The following DDX24 variants were observed in gnomAD, a reference collection of about 807,000 sequenced individuals.
DDX24 encodes the protein ATP-dependent RNA helicase DDX24.
Under a neutral mutation model 68.9 loss-of-function variants are expected in DDX24, and 24 were observed. The observed-to-expected ratio is 0.35, with a 90% CI of 0.25 to 0.49. The LOEUF (loss-of-function observed/expected upper bound fraction) is 0.49, where lower values mean the gene tolerates loss of function less well. Among genes scored for constraint, DDX24 ranks in the 20% least tolerant of loss-of-function variants. The pLI, the probability that DDX24 is intolerant of heterozygous loss-of-function variation, is 0.99. For synonymous variants in DDX24, 395 were observed against 385.2 expected (o/e 1.03, Z -0.30); for missense variants, 989 against 1,039.0 (o/e 0.95, Z 0.66).
At chr14:94,052,888 G>A in intron 8 of DDX24, 110 bp downstream of exon 8, 1 of 1,435,790 alleles carries the variant, frequency 7.0e-7, no homozygotes, top group South Asian at 1.4e-5. Flanking sequence ...GAGGGGGAAG[G>A]ACGCCTTGCT....
In DDX24 at chr14:94,050,837, A is replaced by G. The variant is rs1359070793; in HGVS notation, c.*354T>C. On this transcript the variant is annotated 3_prime_UTR_variant, in exon 9 of 9. Coordinates refer to ENST00000621632, the MANE Select transcript of DDX24 (RefSeq NM_020414.4). Reference sequence around the variant, plus strand: ...AGCACTGTGCTGGCCCAGGAGAATCACTAAGTTAATAATGAAACAAACTAC... The same window carrying G: ...AGCACTGTGCTGGCCCAGGAGAATCGCTAAGTTAATAATGAAACAAACTAC... The G allele has an allele frequency of 4.6e-6, 1 of 218,676 alleles. No individual in the cohort carries two copies. Among genetic ancestry groups the G allele is most frequent in the Non-Finnish European group, 8.9e-6 (1 of 112,610 alleles). The allele number at this position is 218,676 out of a possible 1,614,324, so 13.5% of individuals were successfully genotyped here.
intron 2 of DDX24, among the ~76,000 whole-genome samples, chr14:94,065,388 C>CACACACACACACACACACAT (rs1555436463): frequency 6.6e-6 from 1 of 151,770 alleles, no homozygotes; most frequent in East Asian, 1.9e-4. Flanking sequence ...CTCTCTGACA[C>CACACACACACACACACACAT]ACACACACAC....
Position 94,051,290 on chromosome 14 carries a change from C to T in DDX24, c.2481G>A (p.Glu827=). ...PLLVSAPSKS[E]SALSCLSKQK... is the part of the protein sequence containing the mutation. ...GCTTGGAGAGACAGCTCAAAGCAGA[C>T]TCGCTCTTACTTGGGGCAGACACAA... The change falls in exon 9 of 9, where the codon GAG becomes GAA. Residue 827 remains glutamate, a synonymous_variant. Coordinates refer to ENST00000621632, the MANE Select transcript of DDX24 (RefSeq NM_020414.4). 6.2e-7 allele frequency: 1 copy of T among 1,612,612 alleles called. No homozygotes were observed. The highest frequency in any genetic ancestry group is 2.2e-5 in the East Asian group (1 of 44,794).
At chr14:94,072,673 T>A (rs1220637367) in intron 2 of DDX24, among the ~76,000 whole-genome samples, 1 of 151,940 alleles carries the variant, frequency 6.6e-6, no homozygotes, top group East Asian at 1.9e-4. Context: ...CTACTAAAAA[T>A]GCAAAAAGTA....
At chr14:94,070,403 G>A (rs1180525184) in intron 2 of DDX24, among the ~76,000 whole-genome samples, 2 of 152,050 alleles carry the variant, frequency 1.3e-5, no homozygotes, top group Middle Eastern at 3.2e-3. Flanking sequence ...CTCATGGATG[G>A]GTAAAATCAA....
At position 94,062,242 on chromosome 14, in the gene DDX24, A is replaced by C. The variant is rs142356078; in HGVS notation, c.1098T>G (p.Thr366=). ...CATCCAACTCCTGTTTTAGATTTCC[A>C]GTCTGCTCTTTATCAAGATTTTCCT... ...NEEENLDKEQ[T]GNLKQELDDK... The change falls in exon 3 of 9, where the codon ACT becomes ACG. Residue 366 remains threonine (T), a synonymous_variant. Transcript: ENST00000621632. 165 of 1,614,140 alleles carry C rather than the reference A, an allele frequency of 1.0e-4. No individual in the cohort carries two copies. In the African/African-American group the frequency reaches 2.0e-3, roughly 20 times the overall value.
At chr14:94,067,896 A>G (rs577967501) in intron 2 of DDX24, among the ~76,000 whole-genome samples, 67 of 152,230 alleles carry the variant, frequency 4.4e-4, no homozygotes, top group Non-Finnish European at 7.8e-4. Flanking sequence ...TTTAAAGTAT[A>G]AAGTAAAAAT....
At chr14:94,072,675 C>T (rs1272736709) in intron 2 of DDX24, among the ~76,000 whole-genome samples, 1 of 151,942 alleles carries the variant, frequency 6.6e-6, no homozygotes, top group Non-Finnish European at 1.5e-5. Context: ...ACTAAAAATG[C>T]AAAAAGTAGC....
intron 2 of DDX24, among the ~76,000 whole-genome samples, chr14:94,070,355 A>G (rs1304160378): frequency 6.6e-6 from 1 of 152,224 alleles, no homozygotes; most frequent in Non-Finnish European, 1.5e-5. Context: ...GCTGAAAGAA[A>G]TCACAGACAA....
rs1456476160 is a variant in DDX24 at position 94,055,056 on chromosome 14, G to C, written c.2118C>G (p.Leu706=). The part of the protein sequence containing the change: ...VINFKKIYKT[L]KKDEDIPLFP... ...ACAGTGGGATATCCTCATCTTTCTTGAGCGTTTTGTAAATCTTCTTAAAGT... is the reference window on the plus strand; with the variant it reads ...ACAGTGGGATATCCTCATCTTTCTTCAGCGTTTTGTAAATCTTCTTAAAGT... The change falls in exon 7 of 9, where the codon CTC becomes CTG. Residue 706 remains leucine, a synonymous_variant. Coordinates refer to ENST00000621632, the MANE Select transcript of DDX24 (RefSeq NM_020414.4). 6.2e-7 allele frequency: 1 copy of C among 1,614,080 alleles called. No homozygotes were observed. The highest frequency in any genetic ancestry group is 8.5e-7 in the Non-Finnish European group (1 of 1,180,046).
intron 1 of DDX24, among the ~76,000 whole-genome samples, chr14:94,080,234 C>T (rs1264003735): frequency 6.6e-6 from 1 of 152,150 alleles, no homozygotes; most frequent in African/African-American, 2.4e-5. Context: ...TTATTAAAAG[C>T]GTACTGCGCT....
chr14:94,062,848 C>T (rs1234290992), intron 2 of DDX24, among the ~76,000 whole-genome samples: 1 of 151,764 alleles, frequency 6.6e-6, no homozygotes, highest in Non-Finnish European at 1.5e-5. Context: ...CTTAGGTCAC[C>T]AGTAACGAAT....
At chr14:94,067,384 G>C (rs1885727062) in intron 2 of DDX24, among the ~76,000 whole-genome samples, 1 of 152,010 alleles carries the variant, frequency 6.6e-6, no homozygotes, top group Non-Finnish European at 1.5e-5. Context: ...AGGAAGGAGA[G>C]AATGCTAAAA....
Position 94,049,034 on chromosome 14 carries a change from T to G in DDX24, c.*2157A>C, listed in dbSNP as rs1367045042. On this transcript the variant is annotated 3_prime_UTR_variant, in exon 9 of 9. Transcript: ENST00000621632. ...TAAGTAGATTAGCTGGGGAGGGATA[T>G]TCCTTGTTTAATGGCAGATCCAGGA... is the stretch of plus-strand genomic sequence containing the variant. The G allele has an allele frequency of 6.6e-6, 1 of 152,242 alleles. No individual in the cohort carries two copies. Among genetic ancestry groups the G allele is most frequent in the Non-Finnish European group, 1.5e-5 (1 of 68,062 alleles). The allele number at this position is 152,242 out of a possible 1,614,324, so 9.4% of individuals were successfully genotyped here.
chr14:94,053,229 C>T, intron 7 of DDX24, 102 bp from the exon 8 acceptor site: 1 of 1,501,806 alleles, frequency 6.7e-7, no homozygotes, highest in Non-Finnish European at 9.0e-7. Context: ...GCAGGTATCA[C>T]TCTGCTGCCC....
At chr14:94,068,746 C>T (rs1420706872) in intron 2 of DDX24, among the ~76,000 whole-genome samples, 1 of 152,250 alleles carries the variant, frequency 6.6e-6, no homozygotes, top group South Asian at 2.1e-4. Context: ...AATTAAATAA[C>T]CTGCTCCTGA....
At chr14:94,054,167 T>C (rs1885448038) in intron 7 of DDX24, among the ~76,000 whole-genome samples, 1 of 152,184 alleles carries the variant, frequency 6.6e-6, no homozygotes, top group South Asian at 2.1e-4. Context: ...AGTGGCAAAA[T>C]GAGAAGGATC....
At position 94,060,404 on chromosome 14, in the gene DDX24, T is replaced by G; in HGVS notation, c.1607A>C (p.Asp536Ala). 6.2e-7 allele frequency: 1 copy of G among 1,614,080 alleles called. No individual in the cohort carries two copies. The highest frequency in any genetic ancestry group is 8.5e-7 in the Non-Finnish European group (1 of 1,180,016). ...TKKMDKTAKL[D>A]LLMQKIGMRG... ...CATGCCAATTTTCTGCATAAGGAGG[T>G]CAAGTTTGGCTGTTTTATCCATTTT... The change falls in exon 5 of 9, where the codon GAC becomes GCC. Residue 536 changes from aspartate (D) to alanine (A), a missense_variant. By Grantham distance (126) the Asp-to-Ala change is moderately radical. This residue lies in a region of DDX24 where 691 missense variants were observed against 760.0 expected (regional missense o/e 0.91). Transcript: ENST00000621632.
rs199679208 is a variant in DDX24 at position 94,053,135 on chromosome 14, G to C, written c.2179-8C>G. 6.2e-7 allele frequency: 1 copy of C among 1,613,840 alleles called. No individual in the cohort carries two copies. The highest frequency in any genetic ancestry group is 1.3e-5 in the African/African-American group (1 of 74,990). ...AGCTAAACGGATTCGCTCCTGGGGG[G>C]AAGTAACAGAAAATATTCATCTGAA... On this transcript the variant is annotated splice_region_variant and splice_polypyrimidine_tract_variant and intron_variant, in intron 7 of 8. Transcript: ENST00000621632.
Sources: allele counts gnomAD v4.1 joint callset (sites outside exome capture counted in the v4.1 genomes callset), GRCh38; gene constraint gnomAD v4.1.1; regional missense constraint gnomAD v4.1.1; transcripts MANE v1.5; gene names NCBI Gene and HGNC (gene_info 2026-07-23, HGNC 2026-07-21).